The following PRKCB variants were observed in gnomAD, a reference collection of about 807,000 sequenced individuals.
The protein encoded by PRKCB is protein kinase C beta type.
In PRKCB, 13 loss-of-function variants were observed where a neutral mutation model predicts 81.5. The observed-to-expected ratio is 0.16, with a 90% CI of 0.10 to 0.25. The LOEUF is 0.25. Ranked by LOEUF, PRKCB falls within the 10% of genes least tolerant of loss-of-function variation. PRKCB has a pLI of 1.00. For missense variants in PRKCB, 509 were observed against 875.7 expected (o/e 0.58, Z 5.29); for synonymous variants, 335 against 321.4 (o/e 1.04, Z -0.45).
chr16:23,921,216 G>A (rs1222572143), intron 2 of PRKCB, among the ~76,000 whole-genome samples: 1 of 152,182 alleles, frequency 6.6e-6, no homozygotes, highest in Admixed American at 6.5e-5. Context: ...AAGAATGTGT[G>A]CCCAAGTAGT....
chr16:24,189,641 CAAAAA>C (rs10605364), intron 15 of PRKCB, among the ~76,000 whole-genome samples: 2 of 83,330 alleles, frequency 2.4e-5, no homozygotes, highest in Admixed American at 1.4e-4. Context: ...GACTCCGTCT[CAAAAA>C]AAAAAAAAAA....
At chr16:24,201,734 GA>G (rs202026601) in intron 16 of PRKCB, among the ~76,000 whole-genome samples, 1,176 of 151,868 alleles carry the variant, frequency 7.7e-3, no homozygotes, top group African/African-American at 0.026. Flanking sequence ...TCTCCTTTAA[GA>G]AAAAAAAGCC....
chr16:23,974,655 C>T (rs1410966113), intron 2 of PRKCB, among the ~76,000 whole-genome samples: 1 of 152,140 alleles, frequency 6.6e-6, no homozygotes, highest in Non-Finnish European at 1.5e-5. Context: ...ATATTTGCAT[C>T]AATCTGGGGT....
rs112391954 is a variant in PRKCB, at chr16:23,959,541, A to T, written c.206-28967A>T. 2.6e-5 allele frequency among the ~76,000 whole-genome samples: 4 copies of T among 152,354 alleles called. 1 individual carries two copies. The highest frequency in any genetic ancestry group is 9.6e-5 in the African/African-American group (4 of 41,586). Reference sequence around the variant, plus strand: ...CAGGGGTGGAGAGGCAGCGCCTCGCAGGAAAGCCTTCTTGCTAAATCGAGG... The same window carrying T: ...CAGGGGTGGAGAGGCAGCGCCTCGCTGGAAAGCCTTCTTGCTAAATCGAGG... On this transcript the variant is annotated intron_variant, in intron 2 of 16. Transcript: ENST00000643927.
intron 5 of PRKCB, among the ~76,000 whole-genome samples, chr16:24,082,337 T>C (rs986953800): frequency 6.6e-6 from 1 of 152,218 alleles, no homozygotes; most frequent in Admixed American, 6.5e-5. Flanking sequence ...CAGCAGGATT[T>C]TTTGTATGTT....
intron 5 of PRKCB, among the ~76,000 whole-genome samples, chr16:24,042,410 C>T (rs181553178): frequency 2.0e-5 from 3 of 152,118 alleles, no homozygotes; most frequent in Non-Finnish European, 2.9e-5. Context: ...GGTAGATCTC[C>T]CTTCCCTTTT....
Position 24,172,250 on chromosome 16 carries a change from T to C in PRKCB, c.1240-20T>C. 2.5e-6 allele frequency: 4 copies of C among 1,598,008 alleles called. No homozygotes were observed. Among genetic ancestry groups the C allele is most frequent in the Non-Finnish European group, 3.4e-6 (4 of 1,165,774 alleles). On this transcript the variant is annotated intron_variant, in intron 10 of 16. Transcript: ENST00000643927. ...AGAAGCTACGGGATGCTAATGTTGC[T>C]GTTTGCTGTCCTCTTCCAGGACCGC...
chr16:24,216,333 T>C lies in PRKCB; in HGVS notation c.*1517T>C, dbSNP rs1968227911. ...CCTCCCAGCTTGGACTAAATATTCT[T>C]TCTAGCAAGCAGCTTTGTGAGCTCC... On this transcript the variant is annotated 3_prime_UTR_variant, in exon 17 of 17. Transcript: ENST00000643927. 1 of 985,412 alleles carries C rather than the reference T, an allele frequency of 1.0e-6. No individual in the cohort carries two copies. The highest frequency in any genetic ancestry group is 1.2e-6 in the Non-Finnish European group (1 of 829,936). The allele number at this position is 985,412 out of a possible 1,614,324, so 61.0% of individuals were successfully genotyped here. A position where few individuals can be genotyped will look rare whatever the true frequency, so the allele number is the denominator to read the frequency against.
chr16:24,062,251 ACT>A (rs373746755), intron 5 of PRKCB, among the ~76,000 whole-genome samples: 9 of 152,236 alleles, frequency 5.9e-5, no homozygotes, highest in African/African-American at 1.9e-4. Flanking sequence ...TGAGGCCCTC[ACT>A]CTCACATCTG....
chr16:24,156,993 G>A (rs1300473518), intron 10 of PRKCB, among the ~76,000 whole-genome samples: 2 of 150,448 alleles, frequency 1.3e-5, no homozygotes, highest in East Asian at 3.9e-4. Flanking sequence ...ATGAATCATG[G>A]GTGACTAATG....
At position 24,217,361 on chromosome 16, in the gene PRKCB, CTG is replaced by C. The variant is rs1219665768; in HGVS notation, c.*2546_*2547del. 3 of 985,262 alleles carry C rather than the reference CTG, an allele frequency of 3.0e-6. No homozygotes were observed. Among genetic ancestry groups the C allele is most frequent in the Non-Finnish European group, 3.6e-6 (3 of 829,932 alleles). 61.0% of individuals were successfully genotyped at this position (985,262 alleles called of 1,614,324 possible). Reference sequence around the variant, plus strand: ...ATCCACATTTCCAGTGCAGAAGAAACTGAGAAACAGAGCTTTTTGAAGAGAGG... The same window carrying C: ...ATCCACATTTCCAGTGCAGAAGAAACAGAAACAGAGCTTTTTGAAGAGAGG... On this transcript the variant is annotated 3_prime_UTR_variant, in exon 17 of 17. Transcript: ENST00000643927.
chr16:23,865,357 C>G (rs1202110119), intron 2 of PRKCB, among the ~76,000 whole-genome samples: 1 of 133,942 alleles, frequency 7.5e-6, no homozygotes, highest in Non-Finnish European at 1.5e-5. Context: ...GACTGAGGTA[C>G]AGTAGCACAA....
intron 2 of PRKCB, among the ~76,000 whole-genome samples, chr16:23,843,402 AG>A (rs1962300429): frequency 6.6e-6 from 1 of 152,126 alleles, no homozygotes; most frequent in African/African-American, 2.4e-5. Context: ...AATAAAAGGC[AG>A]AGGCTTTTTG....
chr16:23,837,448 G>C, intron 2 of PRKCB, 42 bp downstream of exon 2: 1 of 1,590,898 alleles, frequency 6.3e-7, no homozygotes. Flanking sequence ...TGGGAAGAGA[G>C]GGTGAAAAAT....
intron 8 of PRKCB, among the ~76,000 whole-genome samples, chr16:24,120,035 G>A (rs1966781302): frequency 6.6e-6 from 1 of 152,140 alleles, no homozygotes; most frequent in Non-Finnish European, 1.5e-5. Context: ...ACAAATTACC[G>A]ATTTATGCAA....
intron 7 of PRKCB, 56 bp downstream of exon 7, chr16:24,094,353 G>T: frequency 1.3e-6 from 2 of 1,577,272 alleles, no homozygotes; most frequent in Non-Finnish European, 1.7e-6. Context: ...CAAACGCGGG[G>T]TCAAGTATGT....
chr16:23,878,505 G>A (rs1963052055), intron 2 of PRKCB, among the ~76,000 whole-genome samples: 1 of 152,100 alleles, frequency 6.6e-6, no homozygotes, highest in Non-Finnish European at 1.5e-5. Context: ...TCAAAAAGCA[G>A]AAAAATGGGA....
In PRKCB at chr16:23,890,052, A is replaced by G. The variant is rs147861285; in HGVS notation, c.205+52646A>G. Among the ~76,000 whole-genome samples the G allele has an allele frequency of 1.2e-4, 18 of 152,364 alleles. No individual in the cohort carries two copies. The East Asian group carries it at 3.1e-3, about 26-fold the overall frequency. On this transcript the variant is annotated intron_variant, in intron 2 of 16. Transcript: ENST00000643927. The stretch of plus-strand genomic sequence containing the variant: ...CAATAGTTAGAATGGTACTTTACAC[A>G]TAGTAGACACTCAGCACATATTTTT...
Position 24,217,742 on chromosome 16 carries a change from T to C in PRKCB, c.*2926T>C. On this transcript the variant is annotated 3_prime_UTR_variant, in exon 17 of 17. Coordinates refer to ENST00000643927, the MANE Select transcript of PRKCB (RefSeq NM_002738.7). The stretch of plus-strand genomic sequence containing the variant: ...AGGCCCACAGGCAGGGAAAGCGAAA[T>C]AGGGTTGATGAGACCAGGGGAGACC... 2 of 985,260 alleles carry C rather than the reference T, an allele frequency of 2.0e-6. No homozygotes were observed. Among genetic ancestry groups the C allele is most frequent in the Non-Finnish European group, 2.4e-6 (2 of 829,940 alleles). The allele number at this position is 985,260 out of a possible 1,614,324, so 61.0% of individuals were successfully genotyped here.
Sources: gnomAD v4.1 joint callset for allele counts (sites outside exome capture counted in the v4.1 genomes callset) on GRCh38, gnomAD v4.1.1 for gene constraint, MANE v1.5 for transcripts, NCBI Gene and HGNC (gene_info 2026-07-23, HGNC 2026-07-21) for gene names.